ANO2: variants seen among roughly 807,000 people sequenced by gnomAD.
The protein encoded by ANO2 is anoctamin-2.
Under a neutral mutation model 124.2 loss-of-function variants are expected in ANO2, and 101 were observed. The ratio of observed to expected loss-of-function variants is 0.81; its 90% CI spans 0.69 to 0.96. The LOEUF (loss-of-function observed/expected upper bound fraction) is 0.96. Among genes scored for constraint, ANO2 ranks in the 40% least tolerant of loss-of-function variants. The probability of loss-of-function intolerance (pLI) is 0.00; values close to 1 mark genes in which losing one functional copy is unlikely to be tolerated. For synonymous variants in ANO2, 486 were observed against 482.5 expected, an observed-to-expected ratio of 1.01 and a Z score of -0.09; for missense variants, 1,293 against 1,274.5, an observed-to-expected ratio of 1.01 and a Z score of -0.22.
At chr12:5,865,026 T>C (rs1178870468) in intron 3 of ANO2, among the ~76,000 whole-genome samples, 2 of 152,182 alleles carry the variant, frequency 1.3e-5, no homozygotes, top group Admixed American at 1.3e-4. Flanking sequence ...GATTCCTTGA[T>C]TTTGCTACTT....
chr12:5,834,687 A>G (rs530858712), intron 4 of ANO2, among the ~76,000 whole-genome samples: 189 of 152,344 alleles, frequency 1.2e-3, no homozygotes, highest in African/African-American at 4.4e-3. Flanking sequence ...ATTTAATTTC[A>G]ATTACAAAAT....
At chr12:5,749,591 G>C (rs1017787605) in intron 11 of ANO2, among the ~76,000 whole-genome samples, 1 of 152,176 alleles carries the variant, frequency 6.6e-6, no homozygotes, top group Non-Finnish European at 1.5e-5. Flanking sequence ...AGTTCAAGCT[G>C]CATTTCTATC....
chr12:5,718,517 G>A (rs1270943687), intron 14 of ANO2, among the ~76,000 whole-genome samples: 3 of 152,202 alleles, frequency 2.0e-5, no homozygotes, highest in African/African-American at 7.2e-5. Flanking sequence ...GCCAACAGTC[G>A]AGTAGTAGAA....
intron 20 of ANO2, among the ~76,000 whole-genome samples, chr12:5,598,007 G>C (rs371059868): frequency 1.1e-4 from 16 of 152,184 alleles, no homozygotes; most frequent in African/African-American, 3.6e-4. Context: ...TTACAAAGTT[G>C]AGGCTTTCCC....
intron 16 of ANO2, among the ~76,000 whole-genome samples, chr12:5,623,358 C>A (rs528469412): frequency 6.6e-6 from 1 of 152,166 alleles, no homozygotes; most frequent in Non-Finnish European, 1.5e-5. Context: ...AAAGTTTCAC[C>A]TGCTTCCAAA....
At chr12:5,745,267 G>T (rs776223575) in intron 11 of ANO2, among the ~76,000 whole-genome samples, 3 of 152,212 alleles carry the variant, frequency 2.0e-5, no homozygotes, top group Non-Finnish European at 4.4e-5. Flanking sequence ...TCCCTCTGTT[G>T]TGTAATATTC....
At chr12:5,807,428 CCT>C (rs1014207943) in intron 7 of ANO2, 60 bp from the exon 8 acceptor site, 23 of 1,450,138 alleles carry the variant, frequency 1.6e-5, no homozygotes, top group East Asian at 2.5e-5. Flanking sequence ...CAACTTAACC[CCT>C]GTTTTTTGAT....
In ANO2 at chr12:5,635,585, T is replaced by C. The variant is rs1209596473; in HGVS notation, c.1621-238A>G. 7.1e-6 allele frequency among the ~76,000 whole-genome samples: 1 copy of C among 140,792 alleles called. No individual in the cohort carries two copies. The highest frequency in any genetic ancestry group is 2.1e-4 in the East Asian group (1 of 4,678). The allele number at this position is 140,792 out of a possible 152,430, so 92.4% of individuals were successfully genotyped here. A position where few individuals can be genotyped will look rare whatever the true frequency, so the allele number is the denominator to read the frequency against. On this transcript the variant is annotated intron_variant, in intron 15 of 24. Transcript: ENST00000682330. This position sits in a 1 kb window ranked among gnomAD's most constrained non-coding sequence, Gnocchi z 5.2. ...GGAGAATGTCTTAATTTTTGTCAGA[T>C]TCCAAATGATTTATCACACACACAC...
At chr12:5,788,501 G>C (rs1290723319) in intron 10 of ANO2, among the ~76,000 whole-genome samples, 1 of 152,220 alleles carries the variant, frequency 6.6e-6, no homozygotes, top group Non-Finnish European at 1.5e-5. Flanking sequence ...ACCTGGCACA[G>C]AGAAGGTGCT....
chr12:5,755,555 C>A (rs376272578), intron 10 of ANO2, among the ~76,000 whole-genome samples: 20 of 152,066 alleles, frequency 1.3e-4, no homozygotes, highest in Admixed American at 7.9e-4. Context: ...TCCCTCCCCC[C>A]TCTCCCCACC....
intron 7 of ANO2, among the ~76,000 whole-genome samples, chr12:5,821,490 G>C (rs768227145): frequency 2.0e-5 from 3 of 152,234 alleles, no homozygotes; most frequent in Non-Finnish European, 4.4e-5. Flanking sequence ...TGCTGTGCAA[G>C]CTGTTCTGTC....
intron 14 of ANO2, among the ~76,000 whole-genome samples, chr12:5,713,479 T>C (rs1204126109): frequency 3.3e-5 from 5 of 152,232 alleles, no homozygotes; most frequent in African/African-American, 1.2e-4. Flanking sequence ...TGATGGTTCC[T>C]GTTTGGAGGA....
rs1955297334 is a variant in ANO2, at chr12:5,862,402, C to A, written c.535-8261G>T. Among the ~76,000 whole-genome samples the A allele has an allele frequency of 6.6e-6, 1 of 152,236 alleles. No individual in the cohort carries two copies. Among genetic ancestry groups the A allele is most frequent in the Admixed American group, 6.5e-5 (1 of 15,290 alleles). On this transcript the variant is annotated intron_variant, in intron 3 of 24. Transcript: ENST00000682330. The surrounding 1 kb of genome is among the most constrained non-coding windows in gnomAD (Gnocchi z 4.0). ...CCAGGGTCCTATGGACATGAAAACT[C>A]AGCCACTTTTGTCGTATTTCTGGGT...
At chr12:5,752,306 C>T (rs965495602) in intron 10 of ANO2, among the ~76,000 whole-genome samples, 1 of 152,160 alleles carries the variant, frequency 6.6e-6, no homozygotes, top group African/African-American at 2.4e-5. Context: ...CTGTTTTCCA[C>T]AGTGACCGCA....
At chr12:5,621,631 C>T (rs1270485294) in intron 16 of ANO2, among the ~76,000 whole-genome samples, 2 of 152,126 alleles carry the variant, frequency 1.3e-5, no homozygotes, top group South Asian at 2.1e-4. Flanking sequence ...GTGACCTCTT[C>T]GTGTGCCTCT....
At chr12:5,722,536 A>G (rs1225897157) in intron 14 of ANO2, among the ~76,000 whole-genome samples, 1 of 152,154 alleles carries the variant, frequency 6.6e-6, no homozygotes, top group African/African-American at 2.4e-5. Flanking sequence ...TAAAAACAGT[A>G]CTATAGAACA....
intron 17 of ANO2, 51 bp downstream of exon 17, chr12:5,615,135 C>G: frequency 6.8e-7 from 1 of 1,478,950 alleles, no homozygotes; most frequent in Non-Finnish European, 9.3e-7. Flanking sequence ...CAGTAGAGAA[C>G]CCAGTCTTAG....
intron 10 of ANO2, among the ~76,000 whole-genome samples, chr12:5,765,197 A>G (rs1951853844): frequency 6.6e-6 from 1 of 152,218 alleles, no homozygotes; most frequent in Non-Finnish European, 1.5e-5. Flanking sequence ...AAAAATTCCA[A>G]TGCCCACAGG....
At chr12:5,707,837 A>G (rs1204789242) in intron 14 of ANO2, among the ~76,000 whole-genome samples, 2 of 152,172 alleles carry the variant, frequency 1.3e-5, no homozygotes, top group Non-Finnish European at 2.9e-5. Flanking sequence ...CATTTTTTCT[A>G]AATGATATGT....
Sources: allele counts gnomAD v4.1 joint callset (sites outside exome capture counted in the v4.1 genomes callset), GRCh38; gene constraint gnomAD v4.1.1; non-coding constraint Gnocchi (gnomAD v3.1); transcripts MANE v1.5; gene names NCBI Gene and HGNC (gene_info 2026-07-23, HGNC 2026-07-21).